Variants in PPP2R5E observed in about 807,000 individuals in gnomAD.
The protein encoded by PPP2R5E is serine/threonine-protein phosphatase 2A 56 kDa regulatory subunit epsilon isoform.
PPP2R5E carries 4 observed loss-of-function variants against 65.3 expected under a neutral mutation model. The ratio of observed to expected loss-of-function variants is 0.06; its 90% confidence interval spans 0.03 to 0.14. The LOEUF is 0.14. Among genes scored for constraint, PPP2R5E ranks in the 10% least tolerant of loss-of-function variants. The pLI, the probability that PPP2R5E is intolerant of heterozygous loss-of-function variation, is 1.00. For synonymous variants in PPP2R5E, 183 were observed against 187.4 expected (o/e 0.98, Z 0.19); for missense variants, 274 against 556.1 (o/e 0.49, Z 5.10).
At chr14:63,381,805 C>T (rs979044323) in intron 13 of PPP2R5E, among the ~76,000 whole-genome samples, 2 of 152,228 alleles carry the variant, frequency 1.3e-5, no homozygotes, top group Non-Finnish European at 2.9e-5. Flanking sequence ...GGCAATACTA[C>T]ATAGTTCAGG....
intron 3 of PPP2R5E, among the ~76,000 whole-genome samples, chr14:63,422,745 A>C (rs1887106654): frequency 6.7e-6 from 1 of 149,694 alleles, no homozygotes; most frequent in Non-Finnish European, 1.5e-5. Context: ...AAAAAAAAAA[A>C]AAAAAAAAAA....
intron 3 of PPP2R5E, among the ~76,000 whole-genome samples, chr14:63,440,784 A>AAAAAAC (rs1491233875): frequency 1.2e-4 from 8 of 68,958 alleles, no homozygotes. Flanking sequence ...TAAAAAATAC[A>AAAAAAC]AAAAAAAAAA....
intron 2 of PPP2R5E, among the ~76,000 whole-genome samples, chr14:63,506,980 A>G (rs1199075119): frequency 6.6e-6 from 1 of 152,278 alleles, no homozygotes; most frequent in Non-Finnish European, 1.5e-5. Flanking sequence ...GTGCTGACAC[A>G]TGCGACAACA....
intron 2 of PPP2R5E, among the ~76,000 whole-genome samples, chr14:63,483,169 A>T (rs575568758): frequency 0.032 from 4,943 of 152,110 alleles, 113 homozygotes; most frequent in Non-Finnish European, 0.047. Flanking sequence ...AATTTTTTTT[A>T]AAAAATCATA....
chr14:63,535,526 T>C (rs931181470), intron 2 of PPP2R5E, among the ~76,000 whole-genome samples: 5 of 152,216 alleles, frequency 3.3e-5, no homozygotes, highest in African/African-American at 1.2e-4. Context: ...CAGTATTATT[T>C]ATAAATCAAA....
At chr14:63,409,385 C>A (rs936970737) in intron 5 of PPP2R5E, among the ~76,000 whole-genome samples, 1 of 151,900 alleles carries the variant, frequency 6.6e-6, no homozygotes, top group Admixed American at 6.6e-5. Context: ...CCAGCCTGGG[C>A]AACAGAGCAA....
At chr14:63,424,117 T>C (rs901237608) in intron 3 of PPP2R5E, among the ~76,000 whole-genome samples, 4 of 152,184 alleles carry the variant, frequency 2.6e-5, no homozygotes, top group African/African-American at 9.6e-5. Flanking sequence ...AAGACAGAAA[T>C]AGACTGATTC....
At chr14:63,464,292 T>C (rs74053476) in intron 2 of PPP2R5E, among the ~76,000 whole-genome samples, 2,610 of 152,250 alleles carry the variant, frequency 0.017, 76 homozygotes, top group African/African-American at 0.06. Flanking sequence ...TGGGGAATAA[T>C]AGTGTGCAGG....
intron 2 of PPP2R5E, among the ~76,000 whole-genome samples, chr14:63,507,028 T>TAC (rs1298898598): frequency 6.6e-6 from 1 of 152,200 alleles, no homozygotes; most frequent in Non-Finnish European, 1.5e-5. Flanking sequence ...AGTGATCCCC[T>TAC]ACCTCAGCCT....
intron 2 of PPP2R5E, among the ~76,000 whole-genome samples, chr14:63,491,305 G>A (rs946497438): frequency 5.9e-5 from 9 of 151,904 alleles, no homozygotes; most frequent in Non-Finnish European, 1.2e-4. Context: ...AGTTCAATTC[G>A]AAACCAAACC....
intron 3 of PPP2R5E, among the ~76,000 whole-genome samples, chr14:63,437,850 A>G (rs1888019855): frequency 6.6e-6 from 1 of 152,156 alleles, no homozygotes; most frequent in South Asian, 2.1e-4. Context: ...AATTATAACC[A>G]GCCTGATTTT....
rs201879682 is a variant in PPP2R5E at position 63,393,711 on chromosome 14, C to CAAAAAA, written c.849+103_849+108dup. 7 of 706,494 alleles carry CAAAAAA rather than the reference C, an allele frequency of 9.9e-6. No individual in the cohort carries two copies. The African/African-American group carries it at 1.5e-4, about 15-fold the overall frequency. The allele number at this position is 706,494 out of a possible 1,614,324, so 43.8% of individuals were successfully genotyped here. A position where few individuals can be genotyped will look rare whatever the true frequency, so the allele number is the denominator to read the frequency against. ...TGGGCGGCAGAGCAAGACTCCGTCT[C>CAAAAAA]AAAAAACAAAAACCAAAAAAACAAA... On this transcript the variant is annotated intron_variant, in intron 8 of 13. Transcript: ENST00000337537.
chr14:63,395,207 T>C lies in PPP2R5E; in HGVS notation c.740+19A>G. ...AATAATATTCATCTGAGATTAGCAA[T>C]TAGAAAAACCGTGCTCACCTTCCTA... On this transcript the variant is annotated intron_variant, in intron 7 of 13. Coordinates refer to ENST00000337537, the MANE Select transcript of PPP2R5E (RefSeq NM_006246.5). 1.3e-6 allele frequency: 2 copies of C among 1,594,812 alleles called. No homozygotes were observed. Among genetic ancestry groups the C allele is most frequent in the African/African-American group, 1.3e-5 (1 of 74,540 alleles).
intron 2 of PPP2R5E, among the ~76,000 whole-genome samples, 176 bp from the exon 3 acceptor site, chr14:63,454,061 A>C (rs1566714441): frequency 6.6e-6 from 1 of 152,202 alleles, no homozygotes; most frequent in African/African-American, 2.4e-5. Flanking sequence ...TACTTCAGAG[A>C]CCTTGTCTTT....
At chr14:63,396,741 G>A (rs372864762) in intron 5 of PPP2R5E, 25 bp from the exon 6 acceptor site, 1 of 1,601,352 alleles carries the variant, frequency 6.2e-7, no homozygotes, top group Non-Finnish European at 8.5e-7. Context: ...AGACATTATA[G>A]CTGTCAAAGG....
intron 11 of PPP2R5E, 47 bp from the exon 12 acceptor site, chr14:63,384,618 G>C: frequency 6.7e-7 from 1 of 1,484,086 alleles, no homozygotes. Context: ...AAAAGACAAA[G>C]ATAAAACAAA....
At chr14:63,404,959 T>C (rs1885982001) in intron 5 of PPP2R5E, among the ~76,000 whole-genome samples, 1 of 152,162 alleles carries the variant, frequency 6.6e-6, no homozygotes, top group Admixed American at 6.5e-5. Flanking sequence ...AAACATGCGG[T>C]GGTCCCTGCT....
At chr14:63,472,975 G>C (rs954029817) in intron 2 of PPP2R5E, among the ~76,000 whole-genome samples, 6 of 152,232 alleles carry the variant, frequency 3.9e-5, no homozygotes, top group Non-Finnish European at 8.8e-5. Context: ...AACCAAGTAT[G>C]AAGAGTTATG....
chr14:63,477,298 T>C (rs1357013114), intron 2 of PPP2R5E, among the ~76,000 whole-genome samples: 1 of 152,154 alleles, frequency 6.6e-6, no homozygotes, highest in Non-Finnish European at 1.5e-5. Context: ...CACCATTTAT[T>C]GAGTACTCAA....
Sources: gnomAD v4.1 joint callset for allele counts (sites outside exome capture counted in the v4.1 genomes callset) on GRCh38, gnomAD v4.1.1 for gene constraint, MANE v1.5 for transcripts, NCBI Gene and HGNC (gene_info 2026-07-23, HGNC 2026-07-21) for gene names.